SEL1L3: variants seen among roughly 807,000 people sequenced by gnomAD.
The protein encoded by SEL1L3 is protein sel-1 homolog 3.
In SEL1L3, 76 loss-of-function variants were observed where a neutral mutation model predicts 142.8. The observed-to-expected ratio is 0.53, with a 90% CI of 0.44 to 0.64. SEL1L3 has a LOEUF of 0.64. Ranked by LOEUF, SEL1L3 falls within the 30% of genes least tolerant of loss-of-function variation. The probability of loss-of-function intolerance (pLI) is 0.00; values close to 1 mark genes in which losing one functional copy is unlikely to be tolerated. For missense variants in SEL1L3, 1,262 were observed against 1,381.7 expected, an observed-to-expected ratio of 0.91 and a Z score of 1.37; for synonymous variants, 504 against 519.6, an observed-to-expected ratio of 0.97 and a Z score of 0.41.
At chr4:25,742,079 T>C in the SEL1L3 span, among the ~76,000 whole-genome samples, 1 of 152,024 alleles carries the variant, frequency 6.6e-6, no homozygotes, top group Non-Finnish European at 1.5e-5. Flanking sequence ...CCCAAATTGC[T>C]GGGATTACAA....
chr4:25,833,128 G>C lies in SEL1L3; in HGVS notation c.983-18C>G, dbSNP rs2109284063. 6.9e-7 allele frequency: 1 copy of C among 1,456,244 alleles called. No individual in the cohort carries two copies. Among genetic ancestry groups the C allele is most frequent in the Middle Eastern group, 1.7e-4 (1 of 5,774 alleles). The allele number at this position is 1,456,244 out of a possible 1,614,324, so 90.2% of individuals were successfully genotyped here. On this transcript the variant is annotated intron_variant, in intron 4 of 23. Coordinates refer to ENST00000399878, the MANE Select transcript of SEL1L3 (RefSeq NM_015187.5). ...CAAATAGCCTAAAAGGAAAATTCGA[G>C]CACATGAAAATGAGCAAAAAATATC... is the stretch of plus-strand genomic sequence containing the variant.
chr4:25,794,255 C>T (rs1347695668), intron 11 of SEL1L3, among the ~76,000 whole-genome samples: 1 of 152,074 alleles, frequency 6.6e-6, no homozygotes, highest in East Asian at 1.9e-4. Flanking sequence ...AATGGGAAAA[C>T]ATTTTTGCAA....
chr4:25,774,275 C>T (rs1025725173), intron 17 of SEL1L3, among the ~76,000 whole-genome samples: 2 of 152,202 alleles, frequency 1.3e-5, no homozygotes, highest in Admixed American at 1.3e-4. Context: ...GCAAATTTCC[C>T]TAAGCCCTAT....
the SEL1L3 span, among the ~76,000 whole-genome samples, chr4:25,722,472 T>A: frequency 6.6e-6 from 1 of 152,080 alleles, no homozygotes; most frequent in Non-Finnish European, 1.5e-5. Flanking sequence ...CCCAGAAGAA[T>A]AAAAATACAT....
chr4:25,841,163 G>A (rs1344386994), intron 2 of SEL1L3, among the ~76,000 whole-genome samples: 2 of 152,040 alleles, frequency 1.3e-5, no homozygotes, highest in Non-Finnish European at 2.9e-5. Flanking sequence ...CCCCCAAGTA[G>A]CTGGGACCAC....
the SEL1L3 span, chr4:25,718,159 C>T: frequency 4.6e-5 from 7 of 152,060 alleles, no homozygotes; most frequent in African/African-American, 1.7e-4. Flanking sequence ...AATGTATTTT[C>T]TCATGTAAAG....
At chr4:25,810,455 C>T (rs538124451) in intron 9 of SEL1L3, among the ~76,000 whole-genome samples, 14 of 152,270 alleles carry the variant, frequency 9.2e-5, no homozygotes, top group Non-Finnish European at 1.5e-4. Context: ...ATTCAAACGG[C>T]TCAGTTTTGA....
intron 2 of SEL1L3, among the ~76,000 whole-genome samples, chr4:25,840,162 C>T (rs2109298094): frequency 6.6e-6 from 1 of 151,992 alleles, no homozygotes; most frequent in East Asian, 1.9e-4. Context: ...TCCCATGGTA[C>T]TATTATGAGG....
intron 16 of SEL1L3, chr4:25,778,027 G>C (rs1221180076): frequency 3.3e-6 from 1 of 304,028 alleles, no homozygotes; most frequent in Non-Finnish European, 6.5e-6. Flanking sequence ...ATACAAAACA[G>C]GTACCAAGCT....
chr4:25,718,795 T>C, the SEL1L3 span: 1 of 152,160 alleles, frequency 6.6e-6, no homozygotes, highest in African/African-American at 2.4e-5. Context: ...GTGAAGTCCA[T>C]ATAGAGGTAT....
chr4:25,779,661 G>A (rs1412807001), intron 15 of SEL1L3, among the ~76,000 whole-genome samples: 1 of 152,198 alleles, frequency 6.6e-6, no homozygotes, highest in Non-Finnish European at 1.5e-5. Flanking sequence ...CAGATGTCTT[G>A]GGAGGGTTAG....
At chr4:25,736,715 T>A in the SEL1L3 span, among the ~76,000 whole-genome samples, 1 of 152,228 alleles carries the variant, frequency 6.6e-6, no homozygotes, top group African/African-American at 2.4e-5. Context: ...ACCATTTTTT[T>A]AAGTTGTTCT....
In SEL1L3 at chr4:25,757,732, G is replaced by A; in HGVS notation, c.3142C>T (p.Leu1048=). The A allele has an allele frequency of 2.5e-6, 4 of 1,598,580 alleles. No homozygotes were observed. The highest frequency in any genetic ancestry group is 3.4e-6 in the Non-Finnish European group (4 of 1,172,830). ...GCACCCCAGAGAAGCCGCAAGTGCA[G>A]GTAAAGCCAGGCCAAGGAGCAGGGG... The part of the protein sequence containing the change: ...FSPCSLAWLY[L]HLRLLWGAIL... Residue 1048 remains leucine (L), a synonymous_variant, in exon 22 of 24, where the codon CTG becomes TTG. Transcript: ENST00000399878.
At chr4:25,739,612 C>A in the SEL1L3 span, among the ~76,000 whole-genome samples, 3 of 151,822 alleles carry the variant, frequency 2.0e-5, no homozygotes, top group Non-Finnish European at 4.4e-5. Context: ...GGAGCTGAGG[C>A]AGGAGAATTG....
At chr4:25,789,230 C>A (rs911489128) in intron 12 of SEL1L3, among the ~76,000 whole-genome samples, 1 of 152,084 alleles carries the variant, frequency 6.6e-6, no homozygotes, top group African/African-American at 2.4e-5. Flanking sequence ...TTATAACTTC[C>A]AGCAAAGTAT....
chr4:25,812,941 A>C (rs1714130749), intron 9 of SEL1L3, among the ~76,000 whole-genome samples: 1 of 151,900 alleles, frequency 6.6e-6, no homozygotes, highest in African/African-American at 2.4e-5. Flanking sequence ...TGAACCCAGG[A>C]GGCAGAAATT....
At chr4:25,732,518 C>T in the SEL1L3 span, among the ~76,000 whole-genome samples, 1 of 152,132 alleles carries the variant, frequency 6.6e-6, no homozygotes, top group Non-Finnish European at 1.5e-5. Context: ...GTCTTTTTAA[C>T]TTTAGCTATG....
Position 25,788,328 on chromosome 4 carries a change from C to G in SEL1L3, c.2113G>C (p.Gly705Arg), listed in dbSNP as rs1205166570. Residue 705 changes from glycine (G) to arginine (R), a missense_variant, in exon 13 of 24, where the codon GGT (glycine) becomes CGT (arginine). By Grantham distance (125) the Gly-to-Arg change is moderately radical (BLOSUM62 -2). Around this residue, in one of 3 missense-constraint regions of SEL1L3, gnomAD observed 435 missense variants for 559.2 expected, o/e 0.78. Transcript: ENST00000399878. The surrounding 1 kb of genome is among the most constrained non-coding windows in gnomAD (Gnocchi z 5.3). ...GCTGCTTCGGGATTCTTGGCCACAC[C>G]TTGCTGCCCCCAGAACAGCATCTGG... Reference protein sequence around the residue: ...LAQMLFWGQQGVAKNPEAAIE... With the variant: ...LAQMLFWGQQRVAKNPEAAIE... 1.2e-6 allele frequency: 2 copies of G among 1,613,970 alleles called. No homozygotes were observed. The highest frequency in any genetic ancestry group is 1.7e-6 in the Non-Finnish European group (2 of 1,179,866).
At chr4:25,761,953 A>AT (rs1468644597) in intron 20 of SEL1L3, among the ~76,000 whole-genome samples, 1 of 151,846 alleles carries the variant, frequency 6.6e-6, no homozygotes, top group East Asian at 1.9e-4. Flanking sequence ...TTTTTTTTTA[A>AT]TTTTTACTTC....
Sources: gnomAD v4.1 joint callset for allele counts (sites outside exome capture counted in the v4.1 genomes callset) on GRCh38, gnomAD v4.1.1 for gene constraint, gnomAD v4.1.1 regional missense constraint, Gnocchi (gnomAD v3.1) non-coding constraint, MANE v1.5 for transcripts, NCBI Gene and HGNC (gene_info 2026-07-23, HGNC 2026-07-21) for gene names.